Variants in TUT4 observed in about 807,000 individuals in gnomAD.
The protein encoded by TUT4 is terminal uridylyl transferase 4.
A neutral mutation model predicts 192.2 loss-of-function variants in TUT4; 36 were observed. That is an observed-to-expected ratio of 0.19 (90% CI 0.14 to 0.25). TUT4 has a LOEUF of 0.25. Among genes scored for constraint, TUT4 ranks in the 10% least tolerant of loss-of-function variants. TUT4 has a pLI of 1.00. For missense variants in TUT4, 1,493 were observed against 1,957.2 expected (o/e 0.76, Z 4.47); for synonymous variants, 618 against 666.0 (o/e 0.93, Z 1.11).
chr1:52,518,229 T>C (rs1369534656), intron 2 of TUT4, among the ~76,000 whole-genome samples: 2 of 152,222 alleles, frequency 1.3e-5, no homozygotes, highest in East Asian at 1.9e-4. Context: ...AAATGTGGCA[T>C]TGGTATACAA....
intron 2 of TUT4, among the ~76,000 whole-genome samples, chr1:52,517,252 G>C (rs1305949999): frequency 6.6e-6 from 1 of 152,184 alleles, no homozygotes; most frequent in African/African-American, 2.4e-5. Context: ...CGGATTTCTT[G>C]ATGCTAATGA....
At chr1:52,486,449 C>A (rs530819102) in intron 9 of TUT4, among the ~76,000 whole-genome samples, 82 of 152,170 alleles carry the variant, frequency 5.4e-4, no homozygotes, top group African/African-American at 1.9e-3. Context: ...AATCTCATAT[C>A]ACAGTTATAA....
intron 14 of TUT4, among the ~76,000 whole-genome samples, chr1:52,470,932 A>C (rs1665572629): frequency 6.6e-6 from 1 of 150,724 alleles, no homozygotes; most frequent in South Asian, 2.1e-4. Flanking sequence ...TTATAGGCTT[A>C]TCTCTCTCTA....
rs746811053 is a variant in TUT4 at position 52,471,968 on chromosome 1, T to C, written c.2862A>G (p.Val954=). Residue 954 remains valine, a synonymous_variant, in exon 14 of 30, where the codon GTA becomes GTG. Transcript: ENST00000257177. ...TNRFREILDL[V]CKRCFDELSP... ...AAGACTTACCAAAACATCTTTTACA[T>C]ACTAAATCAAGTATTTCCCGAAATC... 16 of 1,613,252 alleles carry C rather than the reference T, an allele frequency of 9.9e-6. No individual in the cohort carries two copies. The highest frequency in any genetic ancestry group is 1.3e-5 in the African/African-American group (1 of 74,928).
chr1:52,504,019 T>G (rs958557954), intron 4 of TUT4, among the ~76,000 whole-genome samples: 2 of 152,242 alleles, frequency 1.3e-5, no homozygotes, highest in African/African-American at 4.8e-5. Context: ...GTGGGACATC[T>G]CTACTTGAAA....
chr1:52,462,525 C>T (rs758224380), intron 16 of TUT4: 22 of 173,406 alleles, frequency 1.3e-4, no homozygotes, highest in Non-Finnish European at 2.2e-4. Flanking sequence ...GTGTGACTAA[C>T]CAGATGTTTA....
chr1:52,428,570 G>A (rs1650817643), intron 28 of TUT4, among the ~76,000 whole-genome samples: 1 of 148,960 alleles, frequency 6.7e-6, no homozygotes, highest in African/African-American at 2.5e-5. Flanking sequence ...AGGTTGCAGT[G>A]AGCTGAGATC....
chr1:52,529,030 G>C (rs1682619403), intron 1 of TUT4, among the ~76,000 whole-genome samples: 1 of 151,916 alleles, frequency 6.6e-6, no homozygotes, highest in South Asian at 2.1e-4. Context: ...CTTCTTTATA[G>C]TGCAGTCCTC....
intron 27 of TUT4, chr1:52,432,169 A>G (rs1388872337): frequency 6.6e-6 from 1 of 152,238 alleles, no homozygotes; most frequent in East Asian, 1.9e-4. Context: ...TCAAGGGTCA[A>G]CTACATAATG....
chr1:52,469,869 C>T (rs981305933), intron 14 of TUT4, among the ~76,000 whole-genome samples: 4 of 133,846 alleles, frequency 3.0e-5, no homozygotes, highest in Non-Finnish European at 6.1e-5. Flanking sequence ...CCAGCCTGGG[C>T]GACAGAGCGA....
chr1:52,443,965 C>T (rs1477834240), intron 24 of TUT4, among the ~76,000 whole-genome samples: 6 of 151,808 alleles, frequency 4.0e-5, no homozygotes, highest in African/African-American at 9.7e-5. Context: ...AGGCCAAATG[C>T]GGTGGCTCAT....
intron 3 of TUT4, among the ~76,000 whole-genome samples, chr1:52,511,236 A>C (rs1677065959): frequency 6.6e-6 from 1 of 152,196 alleles, no homozygotes; most frequent in South Asian, 2.1e-4. Context: ...GCAACAAGTA[A>C]ATAAGAAAAG....
intron 16 of TUT4, chr1:52,463,704 G>A (rs1438557434): frequency 3.1e-6 from 4 of 1,304,230 alleles, no homozygotes; most frequent in South Asian, 1.2e-5. Flanking sequence ...GAGAAGGCCT[G>A]GGACACTTCT....
chr1:52,456,399 G>A (rs143153805), intron 20 of TUT4, among the ~76,000 whole-genome samples: 7,164 of 101,042 alleles, frequency 0.071, 232 homozygotes, highest in Middle Eastern at 0.13. Context: ...GCAACAGAGC[G>A]AGACTGTGTC....
chr1:52,475,396 A>G lies in TUT4; in HGVS notation c.2163T>C (p.Asp721=). ...TTTTCCCCTTCTCTCTTTTCTTGAA[A>G]TCCACTGTAGACTTATTTCCACCCT... ...QTKGGNKSTV[D]FKKREKGKIS... Residue 721 remains aspartate (D), a synonymous_variant, in exon 13 of 30, where the codon GAT becomes GAC. Transcript: ENST00000257177. The G allele has an allele frequency of 6.2e-7, 1 of 1,614,096 alleles. No individual in the cohort carries two copies. The highest frequency in any genetic ancestry group is 8.5e-7 in the Non-Finnish European group (1 of 1,180,034).
chr1:52,443,925 T>C (rs1185262422), intron 24 of TUT4, among the ~76,000 whole-genome samples: 1 of 152,146 alleles, frequency 6.6e-6, no homozygotes, highest in African/African-American at 2.4e-5. Context: ...TTTTCATTGT[T>C]TCTATTTCAA....
At chr1:52,545,799 T>C (rs1325004030) in intron 1 of TUT4, among the ~76,000 whole-genome samples, 4 of 151,860 alleles carry the variant, frequency 2.6e-5, no homozygotes, top group Admixed American at 6.6e-5. Context: ...ATTAAAAATA[T>C]ACTCAATGAT....
At chr1:52,426,684 G>A (rs951819351) in intron 28 of TUT4, among the ~76,000 whole-genome samples, 3 of 152,144 alleles carry the variant, frequency 2.0e-5, no homozygotes, top group African/African-American at 7.2e-5. Flanking sequence ...TGAATCTGAA[G>A]GGCTCAGGGT....
chr1:52,516,296 AAG>A (rs1557918142), intron 2 of TUT4, among the ~76,000 whole-genome samples: 1 of 152,176 alleles, frequency 6.6e-6, no homozygotes, highest in Non-Finnish European at 1.5e-5. Flanking sequence ...TCTATCCATC[AAG>A]AGATACATAA....
Sources: allele counts gnomAD v4.1 joint callset (sites outside exome capture counted in the v4.1 genomes callset), GRCh38; gene constraint gnomAD v4.1.1; transcripts MANE v1.5; gene names NCBI Gene and HGNC (gene_info 2026-07-23, HGNC 2026-07-21).